SPINK5: variants seen among roughly 807,000 people sequenced by gnomAD.
SPINK5 encodes the protein serine peptidase inhibitor Kazal type 5, also known as serine protease inhibitor Kazal-type 5.
Under a neutral mutation model 151.8 loss-of-function variants are expected in SPINK5, and 125 were observed. The observed-to-expected ratio is 0.82, with a 90% confidence interval of 0.71 to 0.96. The LOEUF (loss-of-function observed/expected upper bound fraction) is 0.96. Among genes scored for constraint, SPINK5 ranks in the 40% least tolerant of loss-of-function variants. The pLI, the probability that SPINK5 is intolerant of heterozygous loss-of-function variation, is 0.00. For missense variants in SPINK5, 1,194 were observed against 1,291.9 expected, an observed-to-expected ratio of 0.92 and a Z score of 1.16; for synonymous variants, 374 against 395.3, an observed-to-expected ratio of 0.95 and a Z score of 0.64.
chr5:148,115,064 G>T (rs567084182), intron 21 of SPINK5, among the ~76,000 whole-genome samples: 8 of 152,264 alleles, frequency 5.3e-5, no homozygotes, highest in African/African-American at 1.4e-4. Context: ...ACAGACGTAA[G>T]GTAATATAAT....
chr5:148,120,231 AGATCTGGTAATTAATGAGGCGTTT>A, intron 25 of SPINK5, 40 bp from the exon 26 acceptor site: 1 of 1,609,214 alleles, frequency 6.2e-7, no homozygotes, highest in Non-Finnish European at 8.5e-7. Flanking sequence ...TTTTAGAAGC[AGATCTGGTAATTAATGAGGCGTTT>A]GTTCACTTTG....
chr5:148,064,703 A>G (rs929513971), intron 1 of SPINK5, among the ~76,000 whole-genome samples: 1 of 152,102 alleles, frequency 6.6e-6, no homozygotes, highest in Non-Finnish European at 1.5e-5. Context: ...TTGCTCTGAA[A>G]CATTAAAATT....
chr5:148,099,568 T>C (rs1453729889), intron 12 of SPINK5, among the ~76,000 whole-genome samples: 3 of 152,104 alleles, frequency 2.0e-5, no homozygotes, highest in South Asian at 4.1e-4. Context: ...TTATCACTTA[T>C]AGACTGTTAG....
At chr5:148,075,476 T>A (rs1752854148) in intron 4 of SPINK5, among the ~76,000 whole-genome samples, 1 of 151,648 alleles carries the variant, frequency 6.6e-6, no homozygotes, top group African/African-American at 2.4e-5. Flanking sequence ...TTAGAAAATT[T>A]GCAATTATGT....
At chr5:148,085,446 C>T (rs1490095311) in intron 4 of SPINK5, among the ~76,000 whole-genome samples, 2 of 151,780 alleles carry the variant, frequency 1.3e-5, no homozygotes, top group Non-Finnish European at 2.9e-5. Context: ...AACTCTATAT[C>T]TTTTTTAGCT....
In SPINK5 at chr5:148,089,543, G is replaced by A. The variant is rs1279742014; in HGVS notation, c.524G>A (p.Cys175Tyr). The change falls in exon 7 of 33, where the codon TGC (cysteine) becomes TAC (tyrosine). Residue 175 changes from cysteine (C) to tyrosine (Y), a missense_variant. Transcript: ENST00000256084. ...RPFVRDGRLG[C>Y]TRENDPVLGP... ...TTTGTTAGAGATGGAAGACTTGGAT[G>A]CACAAGGGAAAATGATCCTGTTCTT... The A allele has an allele frequency of 2.5e-6, 4 of 1,612,124 alleles. No individual in the cohort carries two copies. Among genetic ancestry groups the A allele is most frequent in the Admixed American group, 3.3e-5 (2 of 59,838 alleles).
chr5:148,096,490 A>T (rs1160808488), intron 10 of SPINK5, among the ~76,000 whole-genome samples: 1 of 151,994 alleles, frequency 6.6e-6, no homozygotes, highest in Non-Finnish European at 1.5e-5. Context: ...TTCATATGTC[A>T]TAGAATATGA....
intron 21 of SPINK5, among the ~76,000 whole-genome samples, chr5:148,114,952 A>T (rs2113171921): frequency 6.6e-6 from 1 of 152,338 alleles, no homozygotes; most frequent in African/African-American, 2.4e-5. Context: ...GCATTTACCA[A>T]ACATCTACAA....
rs1313918893 is a variant in SPINK5 at position 148,071,230 on chromosome 5, T to G, written c.209+780T>G. Among the ~76,000 whole-genome samples the G allele has an allele frequency of 2.0e-5, 3 of 152,114 alleles. 1 individual carries two copies. Among genetic ancestry groups the G allele is most frequent in the African/African-American group, 7.2e-5 (3 of 41,436 alleles). ...GCAAGCCAATACTGAGCTTACCCAC[T>G]TAGGATAATTATATTACAATTGGCT... On this transcript the variant is annotated intron_variant, in intron 3 of 32. Transcript: ENST00000256084.
At chr5:148,115,011 T>C (rs752938163) in intron 21 of SPINK5, among the ~76,000 whole-genome samples, 1 of 152,172 alleles carries the variant, frequency 6.6e-6, no homozygotes, top group Non-Finnish European at 1.5e-5. Flanking sequence ...GTGAATGAAA[T>C]AGATAATCTT....
chr5:148,093,229 C>A (rs138269214), intron 8 of SPINK5, among the ~76,000 whole-genome samples: 29 of 152,032 alleles, frequency 1.9e-4, no homozygotes, highest in African/African-American at 6.5e-4. Context: ...CTTAGAGTAT[C>A]ATTTTTTTGG....
At chr5:148,102,671 A>G (rs1387499216) in intron 15 of SPINK5, among the ~76,000 whole-genome samples, 1 of 152,162 alleles carries the variant, frequency 6.6e-6, no homozygotes, top group East Asian at 1.9e-4. Context: ...ATGAAATAGG[A>G]AATACATATG....
chr5:148,122,122 A>T (rs1243853632), intron 26 of SPINK5, among the ~76,000 whole-genome samples: 4 of 152,096 alleles, frequency 2.6e-5, no homozygotes, highest in African/African-American at 4.8e-5. Flanking sequence ...CAGTGGTGAT[A>T]TTGTTCCAAT....
chr5:148,120,488 A>ATCAT lies in SPINK5; in HGVS notation c.2538+99_2538+102dup. The ATCAT allele has an allele frequency of 2.8e-6, 4 of 1,403,602 alleles. No homozygotes were observed. The South Asian group carries it at 5.0e-5, about 17-fold the overall frequency. The allele number at this position is 1,403,602 out of a possible 1,614,324, so 86.9% of individuals were successfully genotyped here. ...TTTGTGAAATGCTGACTCTGTCCCA[A>ATCAT]TCATTGGTGATATAACGGTAAACAA... is the stretch of plus-strand genomic sequence containing the variant. On this transcript the variant is annotated intron_variant, in intron 26 of 32. Coordinates refer to ENST00000256084, the MANE Select transcript of SPINK5 (RefSeq NM_006846.4).
chr5:148,103,889 T>C (rs1753712759), intron 15 of SPINK5, among the ~76,000 whole-genome samples: 1 of 152,210 alleles, frequency 6.6e-6, no homozygotes, highest in Middle Eastern at 3.2e-3. Context: ...GTAATTTTTT[T>C]CTACATTTTG....
intron 21 of SPINK5, among the ~76,000 whole-genome samples, chr5:148,115,013 GATAA>G (rs1390027658): frequency 1.3e-5 from 2 of 152,184 alleles, no homozygotes; most frequent in Admixed American, 1.3e-4. Flanking sequence ...GAATGAAATA[GATAA>G]TCTTCTCAGA....
intron 20 of SPINK5, among the ~76,000 whole-genome samples, chr5:148,113,769 A>G (rs1754008175): frequency 6.6e-6 from 1 of 152,204 alleles, no homozygotes; most frequent in South Asian, 2.1e-4. Context: ...AGTTCATATG[A>G]AAAATAGATT....
intron 16 of SPINK5, 62 bp from the exon 17 acceptor site, chr5:148,106,975 A>G (rs966090238): frequency 1.3e-6 from 2 of 1,597,622 alleles, no homozygotes; most frequent in African/African-American, 1.3e-5. Context: ...ATTCCTCATA[A>G]TAGGAAAAGA....
intron 26 of SPINK5, among the ~76,000 whole-genome samples, chr5:148,121,253 C>T (rs959072559): frequency 1.3e-5 from 2 of 151,248 alleles, no homozygotes; most frequent in African/African-American, 4.9e-5. Context: ...CAGTTTTGGT[C>T]CTTATAAATA....
Sources: allele counts gnomAD v4.1 joint callset (sites outside exome capture counted in the v4.1 genomes callset), GRCh38; gene constraint gnomAD v4.1.1; transcripts MANE v1.5; gene names NCBI Gene and HGNC (gene_info 2026-07-23, HGNC 2026-07-21).